Variants in NBEAL1 observed in about 807,000 individuals in gnomAD.
NBEAL1 encodes neurobeachin-like protein 1.
NBEAL1 carries 273 observed loss-of-function variants against 351.3 expected under a neutral mutation model. That is an observed-to-expected ratio of 0.78 (90% CI 0.70 to 0.86). The LOEUF (loss-of-function observed/expected upper bound fraction) is 0.86, where lower values mean the gene tolerates loss of function less well. Among genes scored for constraint, NBEAL1 ranks in the 40% least tolerant of loss-of-function variants. NBEAL1 has a pLI of 0.00. For missense variants in NBEAL1, 2,961 were observed against 3,201.3 expected (o/e 0.92, Z 1.81); for synonymous variants, 1,050 against 1,086.4 (o/e 0.97, Z 0.66).
chr2:203,144,884 G>T lies in NBEAL1; in HGVS notation c.5133G>T (p.Trp1711Cys). 6.3e-7 allele frequency: 1 copy of T among 1,594,866 alleles called. No homozygotes were observed. The highest frequency in any genetic ancestry group is 8.5e-7 in the Non-Finnish European group (1 of 1,172,886). ...DFQEYCNSNE[W>C]QVYIEKYIVP... Reference sequence around the variant, plus strand: ...AAGAATATTGTAATTCAAATGAATGGCAAGTTTACATTGAAAAATATGTAA... The same window carrying T: ...AAGAATATTGTAATTCAAATGAATGTCAAGTTTACATTGAAAAATATGTAA... The change falls in exon 32 of 56, where the codon TGG (tryptophan) becomes TGT (cysteine). Residue 1711 changes from tryptophan to cysteine, a missense_variant. By Grantham distance (215) the Trp-to-Cys change is radical. Transcript: ENST00000683969.
At chr2:203,016,824 AC>A (rs2060688100) in intron 2 of NBEAL1, among the ~76,000 whole-genome samples, 1 of 152,204 alleles carries the variant, frequency 6.6e-6, no homozygotes, top group African/African-American at 2.4e-5. Flanking sequence ...CTTGGAATGA[AC>A]CTTTGAAATT....
At position 203,130,335 on chromosome 2, in the gene NBEAL1, C is replaced by T. The variant is rs1287253911; in HGVS notation, c.3423C>T (p.Asp1141=). 2.5e-5 allele frequency: 38 copies of T among 1,527,570 alleles called. No homozygotes were observed. Among genetic ancestry groups the T allele is most frequent in the East Asian group, 5.0e-5 (2 of 39,978 alleles). 94.6% of individuals were successfully genotyped at this position (1,527,570 alleles called of 1,614,324 possible). ...NEEEQLFGIL[D]VLFSLLRTSP... ...TTTAAAAGCTCTTTGGAATTTTGGACGTGCTCTTCAGTCTCCTACGTACCA... is the reference window on the plus strand; with the variant it reads ...TTTAAAAGCTCTTTGGAATTTTGGATGTGCTCTTCAGTCTCCTACGTACCA... The change falls in exon 25 of 56, where the codon GAC becomes GAT. Residue 1141 remains aspartate, a synonymous_variant. Coordinates refer to ENST00000683969, the MANE Select transcript of NBEAL1 (RefSeq NM_001378026.1).
intron 34 of NBEAL1, among the ~76,000 whole-genome samples, chr2:203,150,910 C>T (rs974531024): frequency 6.6e-6 from 1 of 152,206 alleles, no homozygotes; most frequent in Non-Finnish European, 1.5e-5. Flanking sequence ...AACCTCATGT[C>T]ATCTTGGGCA....
chr2:203,032,056 A>C (rs144163660), intron 2 of NBEAL1, among the ~76,000 whole-genome samples: 1 of 152,352 alleles, frequency 6.6e-6, no homozygotes, highest in Non-Finnish European at 1.5e-5. Flanking sequence ...GGGAATCCAG[A>C]AGTTCAGTAA....
intron 3 of NBEAL1, among the ~76,000 whole-genome samples, chr2:203,044,704 C>T (rs958571313): frequency 1.3e-5 from 2 of 152,266 alleles, no homozygotes; most frequent in South Asian, 2.1e-4. Flanking sequence ...TTTTTAAGTA[C>T]ATGCTACGTA....
chr2:203,215,380 G>A (rs2065879507), intron 55 of NBEAL1, among the ~76,000 whole-genome samples: 1 of 152,210 alleles, frequency 6.6e-6, no homozygotes, highest in African/African-American at 2.4e-5. Context: ...GCACGTGCCT[G>A]TAGTCCCAGC....
chr2:203,088,015 C>T lies in NBEAL1; in HGVS notation c.1098+3446C>T, dbSNP rs557950789. ...TTTAAAAATTTGCTTGGCTGCACAA[C>T]TCTCTGCCAAAAAAGGGGCATAAAA... On this transcript the variant is annotated intron_variant, in intron 10 of 55. Transcript: ENST00000683969. Among the ~76,000 whole-genome samples, 38 of 152,232 alleles carry T rather than the reference C, an allele frequency of 2.5e-4. 1 individual carries two copies. The South Asian group carries it at 7.7e-3, about 31-fold the overall frequency.
At chr2:203,116,446 A>G (rs528794160) in intron 18 of NBEAL1, among the ~76,000 whole-genome samples, 1 of 152,224 alleles carries the variant, frequency 6.6e-6, no homozygotes, top group East Asian at 1.9e-4. Context: ...TTTTAAAAAA[A>G]GAAAGAAAGA....
intron 27 of NBEAL1, 65 bp downstream of exon 27, chr2:203,133,211 G>T: frequency 1.6e-6 from 1 of 634,842 alleles, no homozygotes. Flanking sequence ...AAATAACTTT[G>T]CATTATTTTG....
intron 18 of NBEAL1, among the ~76,000 whole-genome samples, chr2:203,120,693 T>A (rs907294759): frequency 6.6e-6 from 1 of 151,974 alleles, no homozygotes; most frequent in Non-Finnish European, 1.5e-5. Flanking sequence ...AGCAGAAGAG[T>A]AATATTATCG....
chr2:203,035,468 A>G lies in NBEAL1; in HGVS notation c.52-6297A>G, dbSNP rs550821354. ...GGATGAATATTTAAGTACAGAATCA[A>G]TGAACTTGATTTTGTAATTATTTTG... is the stretch of plus-strand genomic sequence containing the variant. On this transcript the variant is annotated intron_variant, in intron 2 of 55. Coordinates refer to ENST00000683969, the MANE Select transcript of NBEAL1 (RefSeq NM_001378026.1). 1.8e-3 allele frequency among the ~76,000 whole-genome samples: 262 copies of G among 149,656 alleles called. 26 individuals carry two copies. The highest frequency in any genetic ancestry group is 3.4e-3 in the Non-Finnish European group (227 of 66,658).
intron 3 of NBEAL1, among the ~76,000 whole-genome samples, chr2:203,045,442 T>C (rs1264601041): frequency 6.6e-6 from 1 of 152,220 alleles, no homozygotes; most frequent in Non-Finnish European, 1.5e-5. Context: ...AGATATTTTC[T>C]GGTACTACCT....
At chr2:203,161,225 G>A (rs548181141) in intron 36 of NBEAL1, among the ~76,000 whole-genome samples, 33 of 151,832 alleles carry the variant, frequency 2.2e-4, no homozygotes, top group African/African-American at 7.7e-4. Flanking sequence ...TACTTGGGAG[G>A]CTGAGGCAGG....
chr2:203,052,643 G>A (rs1011669230), intron 4 of NBEAL1, among the ~76,000 whole-genome samples: 4 of 151,964 alleles, frequency 2.6e-5, no homozygotes, highest in African/African-American at 9.7e-5. Flanking sequence ...TTGCATCCTT[G>A]ACCTCCTGGG....
rs768521562 is a variant in NBEAL1, at chr2:203,136,264, T to A, written c.4389+12T>A. On this transcript the variant is annotated intron_variant, in intron 28 of 55. Coordinates refer to ENST00000683969, the MANE Select transcript of NBEAL1 (RefSeq NM_001378026.1). The stretch of plus-strand genomic sequence containing the variant: ...TTGAAAGCCAAGAGGTAAAATTGCT[T>A]ATTTTTCCAAATGTTGTTTTTATTT... 1 of 1,526,008 alleles carries A rather than the reference T, an allele frequency of 6.6e-7. No individual in the cohort carries two copies. The highest frequency in any genetic ancestry group is 1.4e-5 in the African/African-American group (1 of 71,854). The allele number at this position is 1,526,008 out of a possible 1,614,324, so 94.5% of individuals were successfully genotyped here.
At chr2:203,070,357 C>CGCT (rs1559345155) in intron 7 of NBEAL1, among the ~76,000 whole-genome samples, 1 of 126,204 alleles carries the variant, frequency 7.9e-6, no homozygotes, top group African/African-American at 3.0e-5. Context: ...CTCTCTCTCT[C>CGCT]TCTTTTTTTT....
At chr2:203,164,121 T>C (rs1036905864) in intron 36 of NBEAL1, among the ~76,000 whole-genome samples, 3 of 151,998 alleles carry the variant, frequency 2.0e-5, no homozygotes, top group Non-Finnish European at 2.9e-5. Flanking sequence ...CCTATTATAT[T>C]AATACATGTG....
intron 4 of NBEAL1, among the ~76,000 whole-genome samples, chr2:203,055,941 G>A (rs564589965): frequency 6.6e-6 from 1 of 152,250 alleles, no homozygotes; most frequent in South Asian, 2.1e-4. Flanking sequence ...TAATGTAGTT[G>A]AGGAAATATG....
intron 24 of NBEAL1, 139 bp downstream of exon 24, chr2:203,128,076 G>T: frequency 1.7e-6 from 1 of 594,494 alleles, no homozygotes. Flanking sequence ...ATGCACTTAA[G>T]AAGTAAATTT....
Sources: gnomAD v4.1 joint callset for allele counts (sites outside exome capture counted in the v4.1 genomes callset) on GRCh38, gnomAD v4.1.1 for gene constraint, MANE v1.5 for transcripts, NCBI Gene and HGNC (gene_info 2026-07-23, HGNC 2026-07-21) for gene names.